PINX1: variants seen among roughly 807,000 people sequenced by gnomAD.
PINX1 encodes PIN2 (TERF1) interacting telomerase inhibitor 1.
A neutral mutation model predicts 25.4 loss-of-function variants in PINX1; 34 were observed. The observed-to-expected ratio is 1.34, with a 90% CI of 1.02 to 1.78. The LOEUF (loss-of-function observed/expected upper bound fraction) is 1.78. Ranked by LOEUF, PINX1 falls within the 40% of genes most tolerant of loss-of-function variation. PINX1 has a pLI of 0.00. For synonymous variants in PINX1, 197 were observed against 147.7 expected, an observed-to-expected ratio of 1.33 and a Z score of -2.42; for missense variants, 592 against 404.9, an observed-to-expected ratio of 1.46 and a Z score of -3.97.
chr8:10,786,007 G>C (rs527785667), intron 6 of PINX1, among the ~76,000 whole-genome samples: 46 of 152,346 alleles, frequency 3.0e-4, no homozygotes, highest in African/African-American at 1.0e-3. Flanking sequence ...GGCGAGCGCA[G>C]AGCTAGACCA....
At chr8:10,829,147 G>A (rs868712990) in intron 4 of PINX1, among the ~76,000 whole-genome samples, 24 of 151,952 alleles carry the variant, frequency 1.6e-4, no homozygotes, top group Admixed American at 3.9e-4. Flanking sequence ...TTAGCCAGGC[G>A]TGGTGGTGTG....
intron 6 of PINX1, among the ~76,000 whole-genome samples, chr8:10,784,066 T>C (rs907768159): frequency 6.6e-6 from 1 of 152,164 alleles, no homozygotes; most frequent in Admixed American, 6.5e-5. Flanking sequence ...TGACCAATGA[T>C]GATAATGTGT....
intron 6 of PINX1, among the ~76,000 whole-genome samples, chr8:10,806,185 G>A (rs113020984): frequency 0.046 from 4,013 of 87,762 alleles, 272 homozygotes; most frequent in East Asian, 0.086. Flanking sequence ...AGGGGGTGAC[G>A]GAGCACAGGA....
At chr8:10,773,671 C>T (rs1271272921) in intron 6 of PINX1, among the ~76,000 whole-genome samples, 1 of 152,060 alleles carries the variant, frequency 6.6e-6, no homozygotes, top group African/African-American at 2.4e-5. Context: ...TATTTTTTCC[C>T]ATATGCCTAA....
At chr8:10,804,626 G>A (rs1240176116) in intron 6 of PINX1, among the ~76,000 whole-genome samples, 3 of 151,972 alleles carry the variant, frequency 2.0e-5, no homozygotes, top group Non-Finnish European at 4.4e-5. Context: ...GGCCGGGGAG[G>A]CTACTTAGGA....
rs941779582 is a variant in PINX1 at position 10,766,155 on chromosome 8, AC to A, written c.472-240del. Among the ~76,000 whole-genome samples the A allele has an allele frequency of 1.4e-3, 214 of 152,270 alleles. 1 individual carries two copies. The highest frequency in any genetic ancestry group is 4.8e-3 in the African/African-American group (200 of 41,570). ...AGGCGGCCACACACTCCGGCTGGGT[AC>A]CAGGTGGGGTGGTAGATGACAGGCA... On this transcript the variant is annotated intron_variant, in intron 6 of 6. Coordinates refer to ENST00000314787, the MANE Select transcript of PINX1 (RefSeq NM_017884.6).
At chr8:10,772,452 C>T (rs1242588490) in intron 6 of PINX1, among the ~76,000 whole-genome samples, 21 of 152,220 alleles carry the variant, frequency 1.4e-4, no homozygotes, top group South Asian at 2.1e-4. Context: ...GCTTTTCCTT[C>T]GTGGTTTCCA....
intron 6 of PINX1, among the ~76,000 whole-genome samples, chr8:10,818,544 A>C: frequency 6.6e-6 from 1 of 152,190 alleles, no homozygotes. Flanking sequence ...TGATCTGTTC[A>C]ACTGTACATT....
At chr8:10,800,025 C>T (rs73208756) in intron 6 of PINX1, among the ~76,000 whole-genome samples, 25,387 of 152,180 alleles carry the variant, frequency 0.17, 2,537 homozygotes, top group Non-Finnish European at 0.23. Flanking sequence ...TCCAGGTCTG[C>T]GTGATGACAC....
At chr8:10,807,445 GA>G (rs1037058286) in intron 6 of PINX1, among the ~76,000 whole-genome samples, 1 of 150,174 alleles carries the variant, frequency 6.7e-6, no homozygotes, top group African/African-American at 2.5e-5. Flanking sequence ...AAACAGAGGG[GA>G]AAAAATTATG....
intron 6 of PINX1, among the ~76,000 whole-genome samples, chr8:10,796,164 C>T (rs578008144): frequency 1.3e-5 from 2 of 152,196 alleles, no homozygotes; most frequent in South Asian, 4.2e-4. Context: ...AGAATATCTG[C>T]TGAGTGCATG....
intron 6 of PINX1, among the ~76,000 whole-genome samples, chr8:10,773,573 G>C (rs984747458): frequency 6.6e-6 from 1 of 152,206 alleles, no homozygotes; most frequent in African/African-American, 2.4e-5. Context: ...AGCTTGGCTG[G>C]ACTTTAGTAG....
chr8:10,790,055 C>A (rs1398915143), intron 6 of PINX1, among the ~76,000 whole-genome samples: 1 of 152,070 alleles, frequency 6.6e-6, no homozygotes, highest in Non-Finnish European at 1.5e-5. Flanking sequence ...AGGTCCTGAC[C>A]CTCATCTCGA....
rs1563197097 is a variant in PINX1, at chr8:10,765,539, C to CG, written c.848dup (p.Pro284AlafsTer2). 6.2e-7 allele frequency: 1 copy of CG among 1,613,718 alleles called. No individual in the cohort carries two copies. Among genetic ancestry groups the CG allele is most frequent in the Non-Finnish European group, 8.5e-7 (1 of 1,179,892 alleles). ...TCAGGGTGAAGTCCCGGCCCTCAGG[C>CG]GGCTGCACATGGTCCCCTGCATCCT... On this transcript the variant is annotated frameshift_variant, in exon 7 of 7. Coordinates refer to ENST00000314787, the MANE Select transcript of PINX1 (RefSeq NM_017884.6). LOFTEE classifies it low-confidence loss of function (END_TRUNC).
intron 4 of PINX1, among the ~76,000 whole-genome samples, chr8:10,830,256 C>G (rs1419453320): frequency 6.6e-6 from 1 of 152,174 alleles, no homozygotes; most frequent in Non-Finnish European, 1.5e-5. Flanking sequence ...GTTATACATT[C>G]CAACAAAAAG....
intron 6 of PINX1, among the ~76,000 whole-genome samples, chr8:10,806,493 T>C (rs936856513): frequency 2.0e-5 from 3 of 152,194 alleles, no homozygotes; most frequent in African/African-American, 4.8e-5. Flanking sequence ...CTCACATGTA[T>C]TGAGAGGAAA....
intron 6 of PINX1, among the ~76,000 whole-genome samples, chr8:10,781,652 A>G (rs1451039919): frequency 1.3e-5 from 2 of 152,206 alleles, no homozygotes; most frequent in Non-Finnish European, 2.9e-5. Flanking sequence ...TCCCACACCC[A>G]TTAGGAGAGT....
chr8:10,766,930 G>C (rs991386284), intron 6 of PINX1, among the ~76,000 whole-genome samples: 13 of 152,206 alleles, frequency 8.5e-5, no homozygotes, highest in African/African-American at 2.9e-4. Flanking sequence ...GAGGCAGGAA[G>C]TGCTTTCGGG....
intron 6 of PINX1, among the ~76,000 whole-genome samples, chr8:10,809,782 T>C (rs528537388): frequency 5.9e-5 from 9 of 152,394 alleles, no homozygotes; most frequent in Admixed American, 2.0e-4. Flanking sequence ...TCACACACTT[T>C]ATCATCACCA....
Sources: gnomAD v4.1 joint callset for allele counts (sites outside exome capture counted in the v4.1 genomes callset) on GRCh38, gnomAD v4.1.1 for gene constraint, MANE v1.5 for transcripts, NCBI Gene and HGNC (gene_info 2026-07-23, HGNC 2026-07-21) for gene names.